PPP3CA: variants seen among roughly 807,000 people sequenced by gnomAD.
The protein encoded by PPP3CA is CAM-PRP catalytic subunit.
In PPP3CA, 14 loss-of-function variants were observed where a neutral mutation model predicts 66.5. The ratio of observed to expected loss-of-function variants is 0.21; its 90% CI spans 0.14 to 0.33. The LOEUF is 0.33. Among genes scored for constraint, PPP3CA ranks in the 10% least tolerant of loss-of-function variants. The pLI is 1.00. For synonymous variants in PPP3CA, 232 were observed against 226.2 expected, an observed-to-expected ratio of 1.03 and a Z score of -0.23; for missense variants, 317 against 639.5, an observed-to-expected ratio of 0.50 and a Z score of 5.44.
intron 2 of PPP3CA, among the ~76,000 whole-genome samples, chr4:101,134,538 C>T (rs763149285): frequency 1.9e-4 from 29 of 152,136 alleles, no homozygotes; most frequent in Non-Finnish European, 3.4e-4. Context: ...TGTCATCTCA[C>T]GCCAGTTAGA....
intron 7 of PPP3CA, among the ~76,000 whole-genome samples, chr4:101,081,659 C>G (rs1729445089): frequency 6.6e-6 from 1 of 152,100 alleles, no homozygotes; most frequent in African/African-American, 2.4e-5. Flanking sequence ...TAGTTAGGTT[C>G]TAAAAGCAGC....
chr4:101,074,790 ACAT>A (rs767003343), intron 8 of PPP3CA, among the ~76,000 whole-genome samples: 2 of 152,210 alleles, frequency 1.3e-5, no homozygotes, highest in Non-Finnish European at 2.9e-5. Context: ...TGAGTCCAAA[ACAT>A]CATATTTTTC....
chr4:101,228,917 G>C (rs1392439862), intron 1 of PPP3CA, among the ~76,000 whole-genome samples: 1 of 151,588 alleles, frequency 6.6e-6, no homozygotes, highest in African/African-American at 2.4e-5. Flanking sequence ...TACTGGTTTT[G>C]ATTTTCCAAT....
chr4:101,335,689 G>C (rs772552701), intron 1 of PPP3CA, among the ~76,000 whole-genome samples: 2 of 152,126 alleles, frequency 1.3e-5, no homozygotes, highest in Admixed American at 6.5e-5. Context: ...CTCCCAAAGG[G>C]TATCTCGGGA....
chr4:101,135,261 T>C (rs904591685), intron 2 of PPP3CA, among the ~76,000 whole-genome samples: 20 of 144,728 alleles, frequency 1.4e-4, no homozygotes, highest in African/African-American at 4.7e-4. Flanking sequence ...AAAAAAAAAA[T>C]CAATATGTGA....
chr4:101,281,965 C>T (rs1249610557), intron 1 of PPP3CA, among the ~76,000 whole-genome samples: 1 of 152,090 alleles, frequency 6.6e-6, no homozygotes, highest in Non-Finnish European at 1.5e-5. Flanking sequence ...CCTCAGGGGG[C>T]CTATAAATAC....
rs1361972648 is a variant in PPP3CA at position 101,124,717 on chromosome 4, GAA to G, written c.260-15641_260-15640del. 5.2e-3 allele frequency among the ~76,000 whole-genome samples: 422 copies of G among 80,624 alleles called. 3 individuals carry two copies. The highest frequency in any genetic ancestry group is 6.6e-3 in the Non-Finnish European group (256 of 38,934). 52.9% of individuals were successfully genotyped at this position (80,624 alleles called of 152,430 possible). On this transcript the variant is annotated intron_variant, in intron 2 of 13. Transcript: ENST00000394854. ...AGAAAGAAAGAAAGAAAGAAAGAAA[GAA>G]AGAAAGAGAAAGAAAGAAAGAAAGA...
chr4:101,124,075 A>G (rs561695429), intron 2 of PPP3CA, among the ~76,000 whole-genome samples: 1 of 152,182 alleles, frequency 6.6e-6, no homozygotes, highest in Non-Finnish European at 1.5e-5. Context: ...TAATATTTCA[A>G]TGTTAAAATA....
intron 2 of PPP3CA, among the ~76,000 whole-genome samples, chr4:101,111,508 G>C (rs1377353168): frequency 3.3e-5 from 5 of 152,066 alleles, no homozygotes; most frequent in African/African-American, 9.7e-5. Context: ...ACATTATTTG[G>C]AATCTCTATG....
intron 1 of PPP3CA, among the ~76,000 whole-genome samples, chr4:101,311,912 AGT>A (rs1212828863): frequency 1.3e-5 from 2 of 152,288 alleles, no homozygotes; most frequent in Non-Finnish European, 2.9e-5. Flanking sequence ...CACTCAAGGT[AGT>A]TATGAAGACA....
At chr4:101,115,410 G>T (rs1225511893) in intron 2 of PPP3CA, among the ~76,000 whole-genome samples, 1 of 151,788 alleles carries the variant, frequency 6.6e-6, no homozygotes, top group Non-Finnish European at 1.5e-5. Context: ...TAATGAGAAG[G>T]GATAGGTGTT....
chr4:101,099,405 C>T (rs1337222828), intron 4 of PPP3CA, among the ~76,000 whole-genome samples: 1 of 152,082 alleles, frequency 6.6e-6, no homozygotes, highest in Non-Finnish European at 1.5e-5. Context: ...ATTCTTCAAT[C>T]ACTTTATAAA....
At chr4:101,034,841 T>C (rs1422645460) in intron 11 of PPP3CA, among the ~76,000 whole-genome samples, 2 of 152,192 alleles carry the variant, frequency 1.3e-5, no homozygotes, top group East Asian at 1.9e-4. Context: ...ATAATATGAG[T>C]TGGGAAAATT....
chr4:101,167,423 C>T (rs528880871), intron 2 of PPP3CA, among the ~76,000 whole-genome samples: 2 of 152,048 alleles, frequency 1.3e-5, no homozygotes, highest in South Asian at 2.1e-4. Flanking sequence ...AAATCGTTAC[C>T]GAATATGTGT....
chr4:101,131,578 T>C (rs1382668709), intron 2 of PPP3CA, among the ~76,000 whole-genome samples: 2 of 151,118 alleles, frequency 1.3e-5, no homozygotes, highest in Admixed American at 1.3e-4. Flanking sequence ...ATGCATCCAA[T>C]ACAGGAGCAC....
At position 101,042,452 on chromosome 4, in the gene PPP3CA, T is replaced by C. The variant is rs1481714874; in HGVS notation, c.1157-1886A>G. On this transcript the variant is annotated intron_variant, in intron 10 of 13. Transcript: ENST00000394854. Reference sequence around the variant, plus strand: ...CAACATATCCAATGGGAAGGACTTATTATTGCCAGCTATTCTACCTGCAAA... The same window carrying C: ...CAACATATCCAATGGGAAGGACTTACTATTGCCAGCTATTCTACCTGCAAA... Among the ~76,000 whole-genome samples, 3 of 152,228 alleles carry C rather than the reference T, an allele frequency of 2.0e-5. 1 individual carries two copies. The highest frequency in any genetic ancestry group is 4.1e-4 in the South Asian group (2 of 4,826).
At chr4:101,328,844 C>A (rs930544784) in intron 1 of PPP3CA, among the ~76,000 whole-genome samples, 3 of 151,938 alleles carry the variant, frequency 2.0e-5, no homozygotes, top group Non-Finnish European at 4.4e-5. Context: ...CATGTCACAC[C>A]GATATAAGAC....
At chr4:101,042,120 A>G (rs1310908013) in intron 10 of PPP3CA, among the ~76,000 whole-genome samples, 1 of 152,028 alleles carries the variant, frequency 6.6e-6, no homozygotes, top group Non-Finnish European at 1.5e-5. Context: ...TCCATGAGAA[A>G]GAAAACTTGT....
chr4:101,050,821 A>G (rs915244705), intron 10 of PPP3CA, among the ~76,000 whole-genome samples: 4 of 152,206 alleles, frequency 2.6e-5, no homozygotes, highest in African/African-American at 9.6e-5. Flanking sequence ...TATGGGAAGT[A>G]TTGTAAAATG....
Sources: gnomAD v4.1 joint callset for allele counts (sites outside exome capture counted in the v4.1 genomes callset) on GRCh38, gnomAD v4.1.1 for gene constraint, MANE v1.5 for transcripts, NCBI Gene and HGNC (gene_info 2026-07-23, HGNC 2026-07-21) for gene names.